Variants in STK39 observed in about 807,000 individuals in gnomAD.
STK39 encodes the protein STE20/SPS1-related proline-alanine-rich protein kinase.
In STK39, 20 loss-of-function variants were observed where a neutral mutation model predicts 77.8. The observed-to-expected ratio is 0.26, with a 90% CI of 0.18 to 0.37. The LOEUF is 0.37. Ranked by LOEUF, STK39 falls within the 10% of genes least tolerant of loss-of-function variation. The probability of loss-of-function intolerance (pLI) is 1.00; values close to 1 mark genes in which losing one functional copy is unlikely to be tolerated. For missense variants in STK39, 479 were observed against 656.5 expected (o/e 0.73, Z 2.95); for synonymous variants, 246 against 234.1 (o/e 1.05, Z -0.47).
intron 10 of STK39, among the ~76,000 whole-genome samples, chr2:168,124,347 A>T (rs1001505930): frequency 1.3e-5 from 2 of 152,158 alleles, no homozygotes; most frequent in Admixed American, 1.3e-4. Context: ...GCATTCAGAC[A>T]TTTGCATAGC....
intron 17 of STK39, among the ~76,000 whole-genome samples, chr2:167,963,430 C>A (rs888324551): frequency 1.3e-5 from 2 of 151,214 alleles, no homozygotes; most frequent in African/African-American, 4.9e-5. Context: ...GGAAAATGTT[C>A]TTGAGGTGGT....
intron 16 of STK39, among the ~76,000 whole-genome samples, chr2:167,975,751 T>A (rs565884257): frequency 1.1e-3 from 175 of 152,296 alleles, no homozygotes; most frequent in Non-Finnish European, 1.9e-3. Context: ...GAGGCGGAGT[T>A]TGCAGTGCCA....
chr2:168,243,202 C>A, intron 1 of STK39, among the ~76,000 whole-genome samples: 1 of 152,208 alleles, frequency 6.6e-6, no homozygotes, highest in East Asian at 1.9e-4. Context: ...AAAACCAATT[C>A]TAACCCCCAA....
intron 10 of STK39, among the ~76,000 whole-genome samples, chr2:168,126,357 G>A (rs533921577): frequency 2.0e-5 from 3 of 152,218 alleles, no homozygotes; most frequent in South Asian, 2.1e-4. Flanking sequence ...ATAAATTAAC[G>A]ACTCCCCTGA....
At chr2:168,054,960 G>A (rs967412456) in intron 14 of STK39, among the ~76,000 whole-genome samples, 4 of 152,090 alleles carry the variant, frequency 2.6e-5, no homozygotes, top group Non-Finnish European at 5.9e-5. Flanking sequence ...TCACTTGTGC[G>A]GGATCTGATC....
intron 16 of STK39, among the ~76,000 whole-genome samples, chr2:167,978,314 C>T (rs779365070): frequency 1.0e-3 from 157 of 152,106 alleles, no homozygotes; most frequent in Non-Finnish European, 1.7e-3. Context: ...AGGGCTTTAA[C>T]TCTGAAACAA....
intron 16 of STK39, among the ~76,000 whole-genome samples, chr2:167,990,195 C>G (rs1683665227): frequency 6.6e-6 from 1 of 152,096 alleles, no homozygotes; most frequent in Admixed American, 6.6e-5. Flanking sequence ...AAAAGAAGAG[C>G]AGAAAAGCCT....
intron 16 of STK39, among the ~76,000 whole-genome samples, chr2:168,003,070 G>A (rs987092827): frequency 4.6e-5 from 7 of 152,106 alleles, no homozygotes; most frequent in South Asian, 4.1e-4. Flanking sequence ...TGCAACCTCC[G>A]CCTCCTGGGT....
chr2:168,202,494 G>T (rs1689635843), intron 1 of STK39, among the ~76,000 whole-genome samples: 1 of 152,124 alleles, frequency 6.6e-6, no homozygotes, highest in African/African-American at 2.4e-5. Flanking sequence ...AGTGGCAGAA[G>T]AAAGATTTGT....
At chr2:168,222,915 T>G (rs1690211428) in intron 1 of STK39, among the ~76,000 whole-genome samples, 1 of 152,246 alleles carries the variant, frequency 6.6e-6, no homozygotes, top group Admixed American at 6.5e-5. Context: ...ATGAAATGCA[T>G]TTAGCCCAGG....
intron 14 of STK39, among the ~76,000 whole-genome samples, chr2:168,018,260 G>T (rs1249229850): frequency 6.6e-6 from 1 of 152,090 alleles, no homozygotes; most frequent in Non-Finnish European, 1.5e-5. Flanking sequence ...AGAACTTTGA[G>T]AGGCTGAGGC....
intron 16 of STK39, among the ~76,000 whole-genome samples, chr2:168,009,331 T>C (rs753963047): frequency 1.3e-5 from 2 of 152,162 alleles, no homozygotes; most frequent in Admixed American, 6.6e-5. Context: ...ATCAAATACA[T>C]TAGTTTGTCA....
chr2:168,024,738 T>A (rs907036442), intron 14 of STK39, among the ~76,000 whole-genome samples: 1 of 152,234 alleles, frequency 6.6e-6, no homozygotes, highest in African/African-American at 2.4e-5. Flanking sequence ...TGCTGGGACA[T>A]GCTTGATGTT....
intron 7 of STK39, among the ~76,000 whole-genome samples, chr2:168,138,619 G>A (rs1687898723): frequency 1.3e-5 from 2 of 152,140 alleles, no homozygotes; most frequent in Non-Finnish European, 2.9e-5. Flanking sequence ...TCATAAGTAA[G>A]GAACTGCCTG....
chr2:168,187,276 G>A (rs536500312), intron 1 of STK39, among the ~76,000 whole-genome samples: 141 of 152,048 alleles, frequency 9.3e-4, no homozygotes, highest in African/African-American at 3.2e-3. Flanking sequence ...ACTTGAACCC[G>A]GAAGGTAGAG....
At chr2:168,244,961 C>T (rs1690861183) in intron 1 of STK39, among the ~76,000 whole-genome samples, 1 of 152,208 alleles carries the variant, frequency 6.6e-6, no homozygotes, top group South Asian at 2.1e-4. Context: ...TCCCACTCAA[C>T]TTAAACTAAG....
intron 15 of STK39, among the ~76,000 whole-genome samples, chr2:168,013,351 C>A (rs543160434): frequency 6.6e-6 from 1 of 152,130 alleles, no homozygotes; most frequent in African/African-American, 2.4e-5. Flanking sequence ...AAAGAGGCTG[C>A]GGCAAGTGAA....
chr2:168,136,452 A>C (rs373801026), intron 8 of STK39, among the ~76,000 whole-genome samples: 2 of 152,184 alleles, frequency 1.3e-5, no homozygotes, highest in East Asian at 3.8e-4. Flanking sequence ...CAAATCACAT[A>C]CAAATCTCCT....
chr2:168,020,661 A>G (rs983163401), intron 14 of STK39, among the ~76,000 whole-genome samples: 37 of 150,716 alleles, frequency 2.5e-4, no homozygotes, highest in African/African-American at 8.2e-4. Flanking sequence ...TGTATCATAT[A>G]TAATCATTTA....
Sources: gnomAD v4.1 joint callset for allele counts (sites outside exome capture counted in the v4.1 genomes callset) on GRCh38, gnomAD v4.1.1 for gene constraint, MANE v1.5 for transcripts, NCBI Gene and HGNC (gene_info 2026-07-23, HGNC 2026-07-21) for gene names.